GLRA3: variants seen among roughly 807,000 people sequenced by gnomAD.
The protein encoded by GLRA3 is glycine receptor subunit alpha-3.
In GLRA3, 44 loss-of-function variants were observed where a neutral mutation model predicts 60.4. The ratio of observed to expected loss-of-function variants is 0.73; its 90% CI spans 0.57 to 0.94. The LOEUF is 0.94. Ranked by LOEUF, GLRA3 falls within the 40% of genes least tolerant of loss-of-function variation. GLRA3 has a pLI of 0.00. For synonymous variants in GLRA3, 223 were observed against 192.9 expected, an observed-to-expected ratio of 1.16 and a Z score of -1.29; for missense variants, 508 against 564.6, an observed-to-expected ratio of 0.90 and a Z score of 1.02.
chr4:174,747,316 G>T (rs1737294770), intron 3 of GLRA3, among the ~76,000 whole-genome samples: 1 of 152,152 alleles, frequency 6.6e-6, no homozygotes, highest in Non-Finnish European at 1.5e-5. Flanking sequence ...AAAAGTAAGA[G>T]TTCAAAGGGC....
At chr4:174,802,656 T>C (rs1739863050) in intron 1 of GLRA3, among the ~76,000 whole-genome samples, 1 of 152,072 alleles carries the variant, frequency 6.6e-6, no homozygotes, top group Non-Finnish European at 1.5e-5. Context: ...GTGATTGGCT[T>C]TCTGTGAGGT....
intron 1 of GLRA3, among the ~76,000 whole-genome samples, chr4:174,827,747 T>G (rs1472885763): frequency 6.6e-6 from 1 of 152,012 alleles, no homozygotes; most frequent in Non-Finnish European, 1.5e-5. Context: ...TGAGATACAC[T>G]ATTGGTTTTT....
intron 2 of GLRA3, among the ~76,000 whole-genome samples, chr4:174,785,619 T>C (rs1435551594): frequency 6.6e-6 from 1 of 152,228 alleles, no homozygotes; most frequent in Non-Finnish European, 1.5e-5. Flanking sequence ...GGCAAACAGA[T>C]AGGTATTTTC....
intron 5 of GLRA3, among the ~76,000 whole-genome samples, chr4:174,699,226 T>G (rs914620006): frequency 3.3e-5 from 5 of 152,194 alleles, no homozygotes; most frequent in Non-Finnish European, 5.9e-5. Context: ...GGTCTCGAAC[T>G]CCTGACCTTA....
chr4:174,772,266 TA>T (rs1738420622), intron 2 of GLRA3, among the ~76,000 whole-genome samples: 1 of 152,156 alleles, frequency 6.6e-6, no homozygotes, highest in Non-Finnish European at 1.5e-5. Context: ...TCAGCCTCCA[TA>T]ACATTCCTCC....
intron 5 of GLRA3, among the ~76,000 whole-genome samples, chr4:174,691,539 GCGC>G (rs1001779555): frequency 8.5e-4 from 129 of 152,338 alleles, no homozygotes; most frequent in Middle Eastern, 3.4e-3. Flanking sequence ...GCAGGCGCGC[GCGC>G]CGCCACGCCT....
At chr4:174,822,683 A>G (rs1366578837) in intron 1 of GLRA3, among the ~76,000 whole-genome samples, 2 of 152,192 alleles carry the variant, frequency 1.3e-5, no homozygotes, top group East Asian at 1.9e-4. Flanking sequence ...TCAGAAATAT[A>G]TCAGGGTTTG....
chr4:174,732,726 G>A (rs1736601421), intron 3 of GLRA3, among the ~76,000 whole-genome samples: 1 of 151,376 alleles, frequency 6.6e-6, no homozygotes, highest in African/African-American at 2.4e-5. Context: ...ATAATGTATG[G>A]CACCATTTTT....
chr4:174,699,655 TAAG>T (rs1167383307), intron 5 of GLRA3, among the ~76,000 whole-genome samples: 2 of 152,142 alleles, frequency 1.3e-5, no homozygotes, highest in African/African-American at 4.8e-5. Flanking sequence ...AAGGATCACT[TAAG>T]AAGTATTTAA....
At position 174,704,572 on chromosome 4, in the gene GLRA3, T is replaced by G. The variant is rs556306164; in HGVS notation, c.574+10916A>C. Among the ~76,000 whole-genome samples, 44 of 143,780 alleles carry G rather than the reference T, an allele frequency of 3.1e-4. 5 individuals are homozygous for G. The highest frequency in any genetic ancestry group is 3.5e-3 in the Middle Eastern group (1 of 284). The allele number at this position is 143,780 out of a possible 152,430, so 94.3% of individuals were successfully genotyped here. On this transcript the variant is annotated intron_variant, in intron 5 of 9. Coordinates refer to ENST00000274093, the MANE Select transcript of GLRA3 (RefSeq NM_006529.4). ...AATAATTAAAAATGAATGACCATAT[T>G]ATCTAGCAATTTTACCTCTGGATAT...
Position 174,656,678 on chromosome 4 carries a change from A to G in GLRA3, c.1116+65T>C, listed in dbSNP as rs1579395653. 3.4e-6 allele frequency: 3 copies of G among 871,154 alleles called. No individual in the cohort carries two copies. The East Asian group carries it at 7.4e-5, about 21-fold the overall frequency. 54.0% of individuals were successfully genotyped at this position (871,154 alleles called of 1,614,324 possible). On this transcript the variant is annotated intron_variant, in intron 9 of 9. Coordinates refer to ENST00000274093, the MANE Select transcript of GLRA3 (RefSeq NM_006529.4). ...ACCAAACACTGCCTTGGTAGTGCAG[A>G]ATATGCTGTCTGCTTTTTACTGATG...
intron 2 of GLRA3, among the ~76,000 whole-genome samples, chr4:174,772,172 T>C (rs976043294): frequency 1.3e-5 from 2 of 152,168 alleles, no homozygotes; most frequent in African/African-American, 4.8e-5. Flanking sequence ...CACAGAAGAA[T>C]AATGGTCAAA....
At chr4:174,796,796 A>G (rs529191116) in intron 1 of GLRA3, among the ~76,000 whole-genome samples, 1 of 151,922 alleles carries the variant, frequency 6.6e-6, no homozygotes, top group Non-Finnish European at 1.5e-5. Context: ...CAGCCTCCCA[A>G]ATTGCTGGGA....
At chr4:174,754,558 A>G (rs1230654433) in intron 3 of GLRA3, among the ~76,000 whole-genome samples, 1 of 152,148 alleles carries the variant, frequency 6.6e-6, no homozygotes, top group Non-Finnish European at 1.5e-5. Flanking sequence ...TGTTGAATTT[A>G]TAAATATGAA....
intron 5 of GLRA3, among the ~76,000 whole-genome samples, chr4:174,703,305 A>C (rs955253906): frequency 1.3e-5 from 2 of 152,172 alleles, no homozygotes; most frequent in Admixed American, 6.5e-5. Flanking sequence ...GAAGCAGTGG[A>C]GCCATTGCCT....
intron 8 of GLRA3, among the ~76,000 whole-genome samples, chr4:174,658,522 G>A (rs1279619456): frequency 6.6e-6 from 1 of 152,072 alleles, no homozygotes; most frequent in Non-Finnish European, 1.5e-5. Context: ...GGCAACAAAA[G>A]CACTTTATTG....
At chr4:174,814,340 C>T (rs73008386) in intron 1 of GLRA3, among the ~76,000 whole-genome samples, 2,023 of 152,182 alleles carry the variant, frequency 0.013, 39 homozygotes, top group African/African-American at 0.046. Context: ...AGTGGGAAGG[C>T]AGTCTTCCCC....
At chr4:174,654,726 A>G (rs1278870244) in intron 9 of GLRA3, among the ~76,000 whole-genome samples, 1 of 152,076 alleles carries the variant, frequency 6.6e-6, no homozygotes, top group Admixed American at 6.6e-5. Flanking sequence ...CCAGGACTAA[A>G]GTAATGATAT....
chr4:174,792,916 T>A (rs1043092867), intron 1 of GLRA3, among the ~76,000 whole-genome samples: 5 of 152,114 alleles, frequency 3.3e-5, no homozygotes, highest in African/African-American at 1.2e-4. Flanking sequence ...TCCTGTAATT[T>A]GGGGCTATTG....
Sources: allele counts gnomAD v4.1 joint callset (sites outside exome capture counted in the v4.1 genomes callset), GRCh38; gene constraint gnomAD v4.1.1; transcripts MANE v1.5; gene names NCBI Gene and HGNC (gene_info 2026-07-23, HGNC 2026-07-21).